The following SUSD4 variants were observed in gnomAD, a reference collection of about 807,000 sequenced individuals.
SUSD4 encodes the protein sushi domain-containing protein 4.
SUSD4 carries 41 observed loss-of-function variants against 50.5 expected under a neutral mutation model. The observed-to-expected ratio is 0.81, with a 90% CI of 0.63 to 1.05. The LOEUF is 1.05. Ranked by LOEUF, SUSD4 falls within the 50% of genes least tolerant of loss-of-function variation. The probability of loss-of-function intolerance (pLI) is 0.00; values close to 1 mark genes in which losing one functional copy is unlikely to be tolerated. For missense variants in SUSD4, 580 were observed against 634.7 expected (o/e 0.91, Z 0.93); for synonymous variants, 257 against 257.3 (o/e 1.00, Z 0.01).
intron 2 of SUSD4, among the ~76,000 whole-genome samples, chr1:223,326,758 C>T (rs980277598): frequency 1.3e-5 from 2 of 152,004 alleles, no homozygotes; most frequent in Admixed American, 1.3e-4. Flanking sequence ...TAAACATCAC[C>T]AATCATCAGG....
chr1:223,363,547 C>T (rs980179933), intron 1 of SUSD4, 87 bp from the exon 2 acceptor site: 2 of 1,341,636 alleles, frequency 1.5e-6, no homozygotes, highest in East Asian at 2.8e-5. Context: ...GGACCCGGCG[C>T]CTCGGCTTCC....
intron 3 of SUSD4, among the ~76,000 whole-genome samples, chr1:223,272,869 G>C (rs1023497740): frequency 5.3e-5 from 8 of 152,158 alleles, no homozygotes; most frequent in Non-Finnish European, 8.8e-5. Context: ...TGGGGATAAA[G>C]AGTCAAGGGC....
intron 2 of SUSD4, among the ~76,000 whole-genome samples, chr1:223,355,998 G>A (rs1668643675): frequency 6.6e-6 from 1 of 152,104 alleles, no homozygotes; most frequent in Non-Finnish European, 1.5e-5. Context: ...GTTACACAGG[G>A]GAGAGTCATC....
chr1:223,307,745 C>T (rs559211877), intron 2 of SUSD4, among the ~76,000 whole-genome samples: 1 of 152,164 alleles, frequency 6.6e-6, no homozygotes, highest in Admixed American at 6.5e-5. Flanking sequence ...GGGTTATCCA[C>T]GGTGCTGGTG....
At chr1:223,359,215 C>A in intron 2 of SUSD4, 1 of 458,382 alleles carries the variant, frequency 2.2e-6, no homozygotes, top group Non-Finnish European at 4.6e-6. Flanking sequence ...TGCTGTGTGA[C>A]TTTCAGAACC....
intron 2 of SUSD4, among the ~76,000 whole-genome samples, chr1:223,322,861 A>G (rs1176072389): frequency 6.6e-6 from 1 of 152,212 alleles, no homozygotes; most frequent in Admixed American, 6.5e-5. Flanking sequence ...GAAAATATTA[A>G]ACTGATATGT....
chr1:223,338,842 A>T lies in SUSD4; in HGVS notation c.148+24436T>A, dbSNP rs763181362. On this transcript the variant is annotated intron_variant, in intron 2 of 8. Coordinates refer to ENST00000366878, the MANE Select transcript of SUSD4 (RefSeq NM_017982.4). The stretch of plus-strand genomic sequence containing the variant: ...ATATAACTGTTTTAGACAAGCTGAG[A>T]TATGTGGAGAACAACTCAGAGATGT... Among the ~76,000 whole-genome samples, 118 of 152,196 alleles carry T rather than the reference A, an allele frequency of 7.8e-4. 1 individual carries two copies. The highest frequency in any genetic ancestry group is 2.7e-3 in the African/African-American group (111 of 41,454).
At chr1:223,285,526 C>G (rs1664081502) in intron 3 of SUSD4, among the ~76,000 whole-genome samples, 1 of 152,082 alleles carries the variant, frequency 6.6e-6, no homozygotes, top group Non-Finnish European at 1.5e-5. Flanking sequence ...CTAAGCCAAT[C>G]AGAAATGTGG....
chr1:223,282,249 C>T (rs187120844), intron 3 of SUSD4, among the ~76,000 whole-genome samples: 1 of 152,264 alleles, frequency 6.6e-6, no homozygotes, highest in East Asian at 1.9e-4. Flanking sequence ...GGCAGTCAGG[C>T]AGGAGAAAGA....
intron 2 of SUSD4, among the ~76,000 whole-genome samples, chr1:223,310,021 G>A (rs1378469656): frequency 2.0e-5 from 3 of 152,178 alleles, no homozygotes; most frequent in Non-Finnish European, 4.4e-5. Context: ...CTTCACTGAT[G>A]GCCCATTGGT....
At chr1:223,251,716 T>C (rs967041877) in intron 5 of SUSD4, among the ~76,000 whole-genome samples, 1 of 152,286 alleles carries the variant, frequency 6.6e-6, no homozygotes, top group Non-Finnish European at 1.5e-5. Context: ...TAAACATACG[T>C]GTGCATGTGT....
intron 2 of SUSD4, among the ~76,000 whole-genome samples, chr1:223,313,205 T>G (rs960040523): frequency 6.0e-4 from 92 of 152,166 alleles, no homozygotes; most frequent in African/African-American, 2.0e-3. Flanking sequence ...GGTTGGGACT[T>G]TGAGTCACAT....
At chr1:223,271,998 G>T (rs1406005677) in intron 3 of SUSD4, among the ~76,000 whole-genome samples, 1 of 152,172 alleles carries the variant, frequency 6.6e-6, no homozygotes, top group Non-Finnish European at 1.5e-5. Context: ...AGGCCGAGGT[G>T]GGTGGATCAC....
intron 3 of SUSD4, 61 bp downstream of exon 3, chr1:223,292,378 C>T (rs1021514356): frequency 3.2e-6 from 5 of 1,579,450 alleles, no homozygotes; most frequent in Middle Eastern, 1.7e-4. Flanking sequence ...CAGCCCTGCA[C>T]CCCTGTGGCC....
At chr1:223,273,117 G>A (rs61837634) in intron 3 of SUSD4, among the ~76,000 whole-genome samples, 42,664 of 152,030 alleles carry the variant, frequency 0.28, 7,406 homozygotes, top group Non-Finnish European at 0.4. Flanking sequence ...TATGGGTCTT[G>A]GAGAAGAACA....
chr1:223,237,854 C>T lies in SUSD4; in HGVS notation c.725-8466G>A, dbSNP rs543648078. 3.3e-5 allele frequency among the ~76,000 whole-genome samples: 5 copies of T among 152,038 alleles called. No individual in the cohort carries two copies. The East Asian group carries it at 9.6e-4, about 29-fold the overall frequency. Reference sequence around the variant, plus strand: ...GGTTTTGGTATTAGAGTAATGCTGGCCTCACAAAATGAGTCAGGAAGTATT... The same window carrying T: ...GGTTTTGGTATTAGAGTAATGCTGGTCTCACAAAATGAGTCAGGAAGTATT... On this transcript the variant is annotated intron_variant, in intron 5 of 8. Coordinates refer to ENST00000366878, the MANE Select transcript of SUSD4 (RefSeq NM_017982.4).
chr1:223,364,891 G>A (rs1669233017), upstream of SUSD4, among the ~76,000 whole-genome samples: 1 of 152,184 alleles, frequency 6.6e-6, no homozygotes, highest in African/African-American at 2.4e-5. This position sits in a 1 kb window ranked among gnomAD's most constrained non-coding sequence, Gnocchi z 4.5. Context: ...CAGGGAGCCC[G>A]AAGGACCATC....
chr1:223,241,728 T>C (rs187979335), intron 5 of SUSD4, among the ~76,000 whole-genome samples: 19 of 152,318 alleles, frequency 1.2e-4, no homozygotes, highest in African/African-American at 4.3e-4. Flanking sequence ...GGACAAGCAG[T>C]CCTCTCCGGA....
intron 2 of SUSD4, among the ~76,000 whole-genome samples, chr1:223,320,378 T>C (rs569978482): frequency 3.2e-4 from 48 of 152,070 alleles, no homozygotes; most frequent in African/African-American, 9.7e-4. Context: ...TGAGCTGAAA[T>C]GCACTCAGCA....
Sources: gnomAD v4.1 joint callset for allele counts (sites outside exome capture counted in the v4.1 genomes callset) on GRCh38, gnomAD v4.1.1 for gene constraint, Gnocchi (gnomAD v3.1) non-coding constraint, MANE v1.5 for transcripts, NCBI Gene and HGNC (gene_info 2026-07-23, HGNC 2026-07-21) for gene names.